SLC6A9: variants seen among roughly 807,000 people sequenced by gnomAD.
The protein encoded by SLC6A9 is sodium- and chloride-dependent glycine transporter 1.
A neutral mutation model predicts 70.9 loss-of-function variants in SLC6A9; 31 were observed. The ratio of observed to expected loss-of-function variants is 0.44; its 90% CI spans 0.33 to 0.59. SLC6A9 has a LOEUF of 0.59. Among genes scored for constraint, SLC6A9 ranks in the 20% least tolerant of loss-of-function variants. SLC6A9 has a pLI of 0.04. For synonymous variants in SLC6A9, 310 were observed against 341.3 expected, an observed-to-expected ratio of 0.91 and a Z score of 1.01; for missense variants, 631 against 845.2, an observed-to-expected ratio of 0.75 and a Z score of 3.14.
chr1:44,011,681 G>A (rs761647740), intron 2 of SLC6A9: 1 of 1,614,096 alleles, frequency 6.2e-7, no homozygotes. Context: ...CTCCAGAAAA[G>A]GGTGGCAGGA....
At position 44,002,521 on chromosome 1, in the gene SLC6A9, C is replaced by T. The variant is rs1179243159; in HGVS notation, c.849G>A (p.Leu283=). Reference sequence around the variant, plus strand: ...TTCCCTCACTTCCCACCTTGGCCTCCAGGATCTTGTCCCACTGCGGGGTTA... The same window carrying T: ...TTCCCTCACTTCCCACCTTGGCCTCTAGGATCTTGTCCCACTGCGGGGTTA... ...YYLTPQWDKI[L]EAKVWGDAAS... Residue 283 remains leucine, a synonymous_variant, in exon 7 of 14, where the codon CTG becomes CTA. Transcript: ENST00000372310. The surrounding 1 kb of genome is among the most constrained non-coding windows in gnomAD (Gnocchi z 5.5). The T allele has an allele frequency of 1.9e-5, 30 of 1,614,200 alleles. No homozygotes were observed. The highest frequency in any genetic ancestry group is 2.5e-5 in the Non-Finnish European group (29 of 1,180,024).
intron 5 of SLC6A9, among the ~76,000 whole-genome samples, chr1:44,003,585 C>A (rs111863783): frequency 6.6e-6 from 1 of 151,836 alleles, no homozygotes; most frequent in African/African-American, 2.4e-5. Context: ...GGTGAAACCC[C>A]GTCTCTACAA....
chr1:44,003,586 G>A (rs967518744), intron 5 of SLC6A9, among the ~76,000 whole-genome samples: 5 of 151,840 alleles, frequency 3.3e-5, no homozygotes, highest in East Asian at 1.9e-4. Context: ...GTGAAACCCC[G>A]TCTCTACAAA....
At chr1:44,011,520 C>T in intron 2 of SLC6A9, 1 of 1,591,964 alleles carries the variant, frequency 6.3e-7, no homozygotes, top group Non-Finnish European at 8.6e-7. Flanking sequence ...GGGGAGCTAG[C>T]TACACTGCCC....
At chr1:44,020,848 G>A (rs983373524) in intron 2 of SLC6A9, among the ~76,000 whole-genome samples, 7 of 152,228 alleles carry the variant, frequency 4.6e-5, no homozygotes, top group Admixed American at 2.6e-4. Context: ...GTGCTTGCAA[G>A]GCCTCCTTGG....
In SLC6A9 at chr1:44,018,393, C is replaced by G. The variant is rs1206823459; in HGVS notation, c.30+5855G>C. 6.6e-6 allele frequency among the ~76,000 whole-genome samples: 1 copy of G among 151,948 alleles called. No individual in the cohort carries two copies. Among genetic ancestry groups the G allele is most frequent in the Non-Finnish European group, 1.5e-5 (1 of 67,990 alleles). ...AGATCACAAGGTCAGGAGTTTGAGA[C>G]CAACCTGACCAACATGGTGAGACCA... On this transcript the variant is annotated intron_variant, in intron 2 of 13. Coordinates refer to ENST00000372310, the MANE Select transcript of SLC6A9 (RefSeq NM_001024845.3). This position sits in a 1 kb window ranked among gnomAD's most constrained non-coding sequence, Gnocchi z 4.2.
chr1:44,015,872 G>T (rs748438779), intron 2 of SLC6A9: 1 of 985,388 alleles, frequency 1.0e-6, no homozygotes, highest in Non-Finnish European at 1.2e-6. Flanking sequence ...AATCTCCCCC[G>T]GGCCGAGCAG....
chr1:44,026,143 T>C (rs1186916936), intron 1 of SLC6A9, among the ~76,000 whole-genome samples: 2 of 152,254 alleles, frequency 1.3e-5, no homozygotes, highest in Non-Finnish European at 2.9e-5. Context: ...TGGCTCAACT[T>C]GTCCTCCTAA....
At position 44,018,114 on chromosome 1, in the gene SLC6A9, G is replaced by C. The variant is rs2086807533; in HGVS notation, c.30+6134C>G. On this transcript the variant is annotated intron_variant, in intron 2 of 13. Transcript: ENST00000372310. This position sits in a 1 kb window ranked among gnomAD's most constrained non-coding sequence, Gnocchi z 4.2. ...ATATGCATTCCGGTGCCAGGAATGT[G>C]TCAGGCCCTTTGGAAACTGGTCAGT... Among the ~76,000 whole-genome samples the C allele has an allele frequency of 6.6e-6, 1 of 152,208 alleles. No individual in the cohort carries two copies. Among genetic ancestry groups the C allele is most frequent in the East Asian group, 1.9e-4 (1 of 5,202 alleles).
At chr1:44,021,549 T>C (rs545379581) in intron 2 of SLC6A9, among the ~76,000 whole-genome samples, 9 of 152,300 alleles carry the variant, frequency 5.9e-5, no homozygotes, top group South Asian at 2.1e-4. Flanking sequence ...TAAAGGGGGA[T>C]AGAAGTGAGG....
intron 12 of SLC6A9, among the ~76,000 whole-genome samples, chr1:43,999,495 G>C (rs1314228181): frequency 6.6e-6 from 1 of 151,952 alleles, no homozygotes; most frequent in Non-Finnish European, 1.5e-5. Context: ...TCTGAATGCT[G>C]GGAGACCCTC....
rs866361369 is a variant in SLC6A9 at position 44,001,018 on chromosome 1, G to A, written c.1373C>T (p.Ala458Val). The A allele has an allele frequency of 5.7e-6, 9 of 1,580,726 alleles. No individual in the cohort carries two copies. The highest frequency in any genetic ancestry group is 3.5e-5 in the Admixed American group (2 of 57,058). The change falls in exon 11 of 14, where the codon GCG becomes GTG. Residue 458 changes from alanine to valine, a missense_variant. Transcript: ENST00000372310. ...IYWLLLMDNY[A>V]ASFSLVVISC... ...GATGACCACCAAGGAGAAGCTGGCC[G>A]CATAGTTGTCCATCAGCAGCAGCCA...
rs1332283936 is a variant in SLC6A9 at position 44,000,920 on chromosome 1, G to A, written c.1435+36C>T. The A allele has an allele frequency of 4.9e-5, 79 of 1,599,570 alleles. 3 individuals carry two copies. In the Admixed American group the frequency reaches 1.2e-3, roughly 24 times the overall value. ...GCAGGACAGAGTGGGCGGGCCAAGG[G>A]CCGGGTCGCGGGAGGCCGGAGGCTC... On this transcript the variant is annotated intron_variant, in intron 11 of 13. Coordinates refer to ENST00000372310, the MANE Select transcript of SLC6A9 (RefSeq NM_001024845.3).
intron 2 of SLC6A9, among the ~76,000 whole-genome samples, chr1:44,011,407 C>T (rs1209370939): frequency 1.3e-5 from 2 of 152,036 alleles, no homozygotes; most frequent in African/African-American, 4.8e-5. Context: ...CTGAAGGCTT[C>T]TTCCTGGGGG....
intron 12 of SLC6A9, among the ~76,000 whole-genome samples, chr1:43,999,831 TCTGA>T (rs1446949662): frequency 2.0e-5 from 3 of 152,154 alleles, no homozygotes; most frequent in East Asian, 3.9e-4. Flanking sequence ...GGGCCAGCCC[TCTGA>T]CTATCACTCA....
intron 5 of SLC6A9, among the ~76,000 whole-genome samples, chr1:44,007,282 C>T (rs918871647): frequency 1.3e-5 from 2 of 152,364 alleles, no homozygotes; most frequent in South Asian, 4.1e-4. Context: ...TGTCTCCCCA[C>T]TGCCCTGTGA....
intron 12 of SLC6A9, 40 bp from the exon 13 acceptor site, chr1:43,998,065 C>T (rs201198346): frequency 2.1e-5 from 33 of 1,564,316 alleles, no homozygotes; most frequent in Middle Eastern, 3.4e-4. Flanking sequence ...GAGGCCGACC[C>T]AGAGCCCAGA....
At chr1:44,029,032 C>T (rs1329086676) in intron 1 of SLC6A9, among the ~76,000 whole-genome samples, 1 of 152,080 alleles carries the variant, frequency 6.6e-6, no homozygotes. Context: ...ACCCAGAGGA[C>T]GAATGCTGGT....
At chr1:44,012,938 C>T (rs1442466383) in intron 2 of SLC6A9, among the ~76,000 whole-genome samples, 1 of 152,190 alleles carries the variant, frequency 6.6e-6, no homozygotes, top group Non-Finnish European at 1.5e-5. Context: ...AGTCAAGGGC[C>T]CATTTTTTGG....
Sources: gnomAD v4.1 joint callset for allele counts (sites outside exome capture counted in the v4.1 genomes callset) on GRCh38, gnomAD v4.1.1 for gene constraint, Gnocchi (gnomAD v3.1) non-coding constraint, MANE v1.5 for transcripts, NCBI Gene and HGNC (gene_info 2026-07-23, HGNC 2026-07-21) for gene names.